The following RNASE1 variants were observed in gnomAD, a reference collection of about 807,000 sequenced individuals.
RNASE1 encodes ribonuclease A family member 1, pancreatic.
For missense variants in RNASE1, 203 were observed against 201.0 expected (o/e 1.01, Z -0.06); for synonymous variants, 64 against 78.6 (o/e 0.81, Z 0.98).
chr14:20,801,275 A>G lies in RNASE1; in HGVS notation c.*323T>C, dbSNP rs1223715580. 3 of 307,838 alleles carry G rather than the reference A, an allele frequency of 9.7e-6. No individual in the cohort carries two copies. The highest frequency in any genetic ancestry group is 1.8e-5 in the Non-Finnish European group (3 of 163,792). The allele number at this position is 307,838 out of a possible 1,614,324, so 19.1% of individuals were successfully genotyped here. ...TTAATTACTCCATTCACCGTTCTCC[A>G]AAGTGAATCAGATTTACAGTTCTTA... On this transcript the variant is annotated 3_prime_UTR_variant, in exon 2 of 2. Transcript: ENST00000397967.
Position 20,802,022 on chromosome 14 carries a change from AT to A in RNASE1, c.46del (p.Ile16TyrfsTer42). 6.2e-7 allele frequency: 1 copy of A among 1,607,402 alleles called. No homozygotes were observed. Among genetic ancestry groups the A allele is most frequent in the Non-Finnish European group, 8.5e-7 (1 of 1,179,926 alleles). Reference protein sequence around the residue: ...SLVRLLLLVLILLVLGWVQPS... With the variant: ...SLVRLLLLVLXLLVLGWVQPS... ...CTGGACCCAGCCCAGCACCAGCAGT[AT>A]CAGGACAAGCAGAAGGAGCCGGACA... On this transcript the variant is annotated frameshift_variant, in exon 2 of 2. Transcript: ENST00000397967. LOFTEE classifies it low-confidence loss of function (END_TRUNC).
chr14:20,801,527 G>A lies in RNASE1; in HGVS notation c.*71C>T, dbSNP rs1434352982. 6.2e-6 allele frequency: 8 copies of A among 1,281,224 alleles called. No homozygotes were observed. Among genetic ancestry groups the A allele is most frequent in the Non-Finnish European group, 9.0e-6 (8 of 892,914 alleles). 79.4% of individuals were successfully genotyped at this position (1,281,224 alleles called of 1,614,324 possible). ...CTGTAGTTACTTCTTTCACAGCAGG[G>A]AAGGAAGAGGGAAGAGGCAGCTGTG... On this transcript the variant is annotated 3_prime_UTR_variant, in exon 2 of 2. Transcript: ENST00000397967.
Position 20,801,385 on chromosome 14 carries a change from A to G in RNASE1, c.*213T>C, listed in dbSNP as rs1270960235. 3.4e-6 allele frequency: 2 copies of G among 580,294 alleles called. No homozygotes were observed. The highest frequency in any genetic ancestry group is 5.6e-5 in the East Asian group (2 of 35,654). The allele number at this position is 580,294 out of a possible 1,614,324, so 35.9% of individuals were successfully genotyped here. A position where few individuals can be genotyped will look rare whatever the true frequency, so the allele number is the denominator to read the frequency against. Reference sequence around the variant, plus strand: ...GTGTTTGCAACTGCGTTTTATTGAAAGAAAGAGTGGAGGGGTTAACATGGG... The same window carrying G: ...GTGTTTGCAACTGCGTTTTATTGAAGGAAAGAGTGGAGGGGTTAACATGGG... On this transcript the variant is annotated 3_prime_UTR_variant, in exon 2 of 2. Coordinates refer to ENST00000397967, the MANE Select transcript of RNASE1 (RefSeq NM_002933.5).
chr14:20,802,264 C>T (rs1405031793), intron 1 of RNASE1, 171 bp from the exon 2 acceptor site: 5 of 557,276 alleles, frequency 9.0e-6, no homozygotes, highest in Non-Finnish European at 1.6e-5. Flanking sequence ...CCCTTTTCCA[C>T]GAGCGTTTTA....
Position 20,801,493 on chromosome 14 carries a change from G to C in RNASE1, c.*105C>G. 1 of 941,090 alleles carries C rather than the reference G, an allele frequency of 1.1e-6. No individual in the cohort carries two copies. The highest frequency in any genetic ancestry group is 1.7e-6 in the Non-Finnish European group (1 of 603,610). The allele number at this position is 941,090 out of a possible 1,614,324, so 58.3% of individuals were successfully genotyped here. ...AGGGAAGCATGTGTGTGTTGAATAG[G>C]AGCCCTAACTGTAGTTACTTCTTTC... On this transcript the variant is annotated 3_prime_UTR_variant, in exon 2 of 2. Coordinates refer to ENST00000397967, the MANE Select transcript of RNASE1 (RefSeq NM_002933.5).
chr14:20,801,374 G>A lies in RNASE1; in HGVS notation c.*224C>T, dbSNP rs1327981490. On this transcript the variant is annotated 3_prime_UTR_variant, in exon 2 of 2. Coordinates refer to ENST00000397967, the MANE Select transcript of RNASE1 (RefSeq NM_002933.5). ...TCAGAAATCAGGTGTTTGCAACTGC[G>A]TTTTATTGAAAGAAAGAGTGGAGGG... 1.9e-5 allele frequency: 11 copies of A among 571,422 alleles called. No homozygotes were observed. The highest frequency in any genetic ancestry group is 2.8e-5 in the Non-Finnish European group (9 of 319,972). 35.4% of individuals were successfully genotyped at this position (571,422 alleles called of 1,614,324 possible).
Position 20,801,290 on chromosome 14 carries a change from T to A in RNASE1, c.*308A>T, listed in dbSNP as rs971917434. On this transcript the variant is annotated 3_prime_UTR_variant, in exon 2 of 2. Coordinates refer to ENST00000397967, the MANE Select transcript of RNASE1 (RefSeq NM_002933.5). Reference sequence around the variant, plus strand: ...ACCGTTCTCCAAAGTGAATCAGATTTACAGTTCTTACCCCTTGCTGGAAGG... The same window carrying A: ...ACCGTTCTCCAAAGTGAATCAGATTAACAGTTCTTACCCCTTGCTGGAAGG... The A allele has an allele frequency of 2.8e-6, 1 of 358,578 alleles. No individual in the cohort carries two copies. Among genetic ancestry groups the A allele is most frequent in the South Asian group, 5.3e-5 (1 of 18,896 alleles). 22.2% of individuals were successfully genotyped at this position (358,578 alleles called of 1,614,324 possible). A position where few individuals can be genotyped will look rare whatever the true frequency, so the allele number is the denominator to read the frequency against.
chr14:20,801,926 C>T lies in RNASE1; in HGVS notation c.143G>A (p.Ser48Asn). Residue 48 changes from serine (S) to asparagine (N), a missense_variant, in exon 2 of 2, where the codon AGC becomes AAC. Coordinates refer to ENST00000397967, the MANE Select transcript of RNASE1 (RefSeq NM_002933.5). ...TTGGTTACAGTAGGTGGAGCTGCTG[C>T]TGGGGGAACTGTCTGAGTCCATATG... The part of the protein sequence containing the change: ...RQHMDSDSSP[S>N]SSSTYCNQMM... The T allele has an allele frequency of 6.2e-7, 1 of 1,613,972 alleles. No individual in the cohort carries two copies. The highest frequency in any genetic ancestry group is 8.5e-7 in the Non-Finnish European group (1 of 1,179,916).
chr14:20,801,471 G>A lies in RNASE1; in HGVS notation c.*127C>T. 2 of 795,070 alleles carry A rather than the reference G, an allele frequency of 2.5e-6. No individual in the cohort carries two copies. 49.3% of individuals were successfully genotyped at this position (795,070 alleles called of 1,614,324 possible). On this transcript the variant is annotated 3_prime_UTR_variant, in exon 2 of 2. Transcript: ENST00000397967. ...ACGCAGGGATGGGACTCAGGAAAGG[G>A]AAGCATGTGTGTGTTGAATAGGAGC...
Position 20,801,963 on chromosome 14 carries a change from A to G in RNASE1, c.106T>C (p.Phe36Leu). The stretch of plus-strand genomic sequence containing the variant: ...TCTGAGTCCATATGCTGCCGCTGGA[A>G]TTTCTTGGCCCGGGATTCCTTGCCC... Reference protein sequence around the residue: ...SLGKESRAKKFQRQHMDSDSS... With the variant: ...SLGKESRAKKLQRQHMDSDSS... The change falls in exon 2 of 2, where the codon TTC (phenylalanine) becomes CTC (leucine). Residue 36 changes from phenylalanine (F) to leucine (L), a missense_variant. Transcript: ENST00000397967. The G allele has an allele frequency of 6.2e-7, 1 of 1,613,848 alleles. No homozygotes were observed. The highest frequency in any genetic ancestry group is 8.5e-7 in the Non-Finnish European group (1 of 1,179,982).
rs971875963 is a variant in RNASE1, at chr14:20,801,571, G to A, written c.*27C>T. On this transcript the variant is annotated 3_prime_UTR_variant, in exon 2 of 2. Coordinates refer to ENST00000397967, the MANE Select transcript of RNASE1 (RefSeq NM_002933.5). ...AGCTGTGGAGAGGATGAGGTTGAGG[G>A]AGGTGGGGTATCTCGCTGCTCTGAC... 2 of 1,582,830 alleles carry A rather than the reference G, an allele frequency of 1.3e-6. No homozygotes were observed. Among genetic ancestry groups the A allele is most frequent in the Non-Finnish European group, 8.7e-7 (1 of 1,153,402 alleles).
At chr14:20,802,643 T>C (rs2138598432) in intron 1 of RNASE1, among the ~76,000 whole-genome samples, 154 bp downstream of exon 1, 1 of 152,316 alleles carries the variant, frequency 6.6e-6, no homozygotes. Flanking sequence ...CGTTCCACCC[T>C]GACCCCTCTG....
rs764060974 is a variant in RNASE1, at chr14:20,801,950, T to C, written c.119A>G (p.His40Arg). The change falls in exon 2 of 2, where the codon CAT becomes CGT. Residue 40 changes from histidine (H) to arginine (R), a missense_variant. By Grantham distance (29) the His-to-Arg change is conservative. Transcript: ENST00000397967. Reference protein sequence around the residue: ...ESRAKKFQRQHMDSDSSPSSS... With the variant: ...ESRAKKFQRQRMDSDSSPSSS... The stretch of plus-strand genomic sequence containing the variant: ...GCTGGGGGAACTGTCTGAGTCCATA[T>C]GCTGCCGCTGGAATTTCTTGGCCCG... 3.1e-6 allele frequency: 5 copies of C among 1,614,014 alleles called. No homozygotes were observed.
chr14:20,802,239 A>C, intron 1 of RNASE1, 146 bp from the exon 2 acceptor site: 1 of 606,792 alleles, frequency 1.6e-6, no homozygotes, highest in South Asian at 2.1e-5. Context: ...TCGTGTAATG[A>C]GACACTCACG....
chr14:20,801,938 T>A lies in RNASE1; in HGVS notation c.131A>T (p.Asp44Val), dbSNP rs766939808. Residue 44 changes from aspartate to valine, a missense_variant, in exon 2 of 2, where the codon GAC becomes GTC. Coordinates refer to ENST00000397967, the MANE Select transcript of RNASE1 (RefSeq NM_002933.5). The stretch of plus-strand genomic sequence containing the variant: ...GGTGGAGCTGCTGCTGGGGGAACTG[T>A]CTGAGTCCATATGCTGCCGCTGGAA... ...KKFQRQHMDS[D>V]SSPSSSSTYC... is the part of the protein sequence containing the mutation. 5.0e-6 allele frequency: 8 copies of A among 1,613,864 alleles called. No individual in the cohort carries two copies. In the African/African-American group the frequency reaches 8.0e-5, roughly 16 times the overall value.
rs1879371884 is a variant in RNASE1 at position 20,801,245 on chromosome 14, G to A, written c.*353C>T. 1 of 240,334 alleles carries A rather than the reference G, an allele frequency of 4.2e-6. No homozygotes were observed. The allele number at this position is 240,334 out of a possible 1,614,324, so 14.9% of individuals were successfully genotyped here. On this transcript the variant is annotated 3_prime_UTR_variant, in exon 2 of 2. Coordinates refer to ENST00000397967, the MANE Select transcript of RNASE1 (RefSeq NM_002933.5). ...CACTAAAATCCAAGTCAGAAGGGAA[G>A]GCATTTAATTACTCCATTCACCGTT...
In RNASE1 at chr14:20,802,014, C is replaced by T. The variant is rs1413861324; in HGVS notation, c.55G>A (p.Val19Met). 18 of 1,608,688 alleles carry T rather than the reference C, an allele frequency of 1.1e-5. 1 individual carries two copies. The South Asian group carries it at 2.0e-4, about 18-fold the overall frequency. Residue 19 changes from valine to methionine, a missense_variant, in exon 2 of 2, where the codon GTG becomes ATG. Transcript: ENST00000397967. ...RLLLLVLILL[V>M]LGWVQPSLGK... ...AGGGAAGGCTGGACCCAGCCCAGCACCAGCAGTATCAGGACAAGCAGAAGG... is the reference window on the plus strand; with the variant it reads ...AGGGAAGGCTGGACCCAGCCCAGCATCAGCAGTATCAGGACAAGCAGAAGG...
Position 20,801,543 on chromosome 14 carries a change from G to C in RNASE1, c.*55C>G, listed in dbSNP as rs1401601041. The C allele has an allele frequency of 3.5e-6, 5 of 1,431,818 alleles. No individual in the cohort carries two copies. In the East Asian group the frequency reaches 9.2e-5, roughly 26 times the overall value. 88.7% of individuals were successfully genotyped at this position (1,431,818 alleles called of 1,614,324 possible). On this transcript the variant is annotated 3_prime_UTR_variant, in exon 2 of 2. Coordinates refer to ENST00000397967, the MANE Select transcript of RNASE1 (RefSeq NM_002933.5). ...CACAGCAGGGAAGGAAGAGGGAAGAGGCAGCTGTGGAGAGGATGAGGTTGA... is the reference window on the plus strand; with the variant it reads ...CACAGCAGGGAAGGAAGAGGGAAGACGCAGCTGTGGAGAGGATGAGGTTGA...
Position 20,801,328 on chromosome 14 carries a change from C to G in RNASE1, c.*270G>C. On this transcript the variant is annotated 3_prime_UTR_variant, in exon 2 of 2. Transcript: ENST00000397967. ...CCTTGCTGGAAGGCAATGCCAGAAA[C>G]AGTACCTAGACAGAACCGCTTCAGA... 2.2e-6 allele frequency: 1 copy of G among 460,932 alleles called. No individual in the cohort carries two copies. The highest frequency in any genetic ancestry group is 3.9e-6 in the Non-Finnish European group (1 of 255,544). The allele number at this position is 460,932 out of a possible 1,614,324, so 28.6% of individuals were successfully genotyped here.
Sources: allele counts gnomAD v4.1 joint callset (sites outside exome capture counted in the v4.1 genomes callset), GRCh38; gene constraint gnomAD v4.1.1; transcripts MANE v1.5; gene names NCBI Gene and HGNC (gene_info 2026-07-23, HGNC 2026-07-21).